Variants in AMPH observed in about 807,000 individuals in gnomAD.
AMPH encodes amphiphysin (Stiff-Mann syndrome with breast cancer 128kD autoantigen).
In AMPH, 49 loss-of-function variants were observed where a neutral mutation model predicts 99.1. The observed-to-expected ratio is 0.49, with a 90% CI of 0.39 to 0.63. The LOEUF (loss-of-function observed/expected upper bound fraction) is 0.63. Among genes scored for constraint, AMPH ranks in the 20% least tolerant of loss-of-function variants. The probability of loss-of-function intolerance (pLI) is 0.00; values close to 1 mark genes in which losing one functional copy is unlikely to be tolerated. For synonymous variants in AMPH, 314 were observed against 317.3 expected, an observed-to-expected ratio of 0.99 and a Z score of 0.11; for missense variants, 759 against 863.4, an observed-to-expected ratio of 0.88 and a Z score of 1.52.
rs1785442343 is a variant in AMPH at position 38,417,914 on chromosome 7, C to T, written c.1309G>A (p.Ala437Thr). The change falls in exon 17 of 21, where the codon GCA becomes ACA. Residue 437 changes from alanine to threonine, a missense_variant. By Grantham distance (58) the Ala-to-Thr change is moderately conservative. This residue lies in a region of AMPH where 554 missense variants were observed against 575.6 expected (regional missense o/e 0.96). Transcript: ENST00000356264. The part of the protein sequence containing the change: ...SEQAPPTEPK[A>T]EEPLAAVTPA... ...GTGACAGCAGCCAGAGGCTCCTCTG[C>T]TTTTGGCTCTGTGGGTGGAGCCTGT... 6.2e-7 allele frequency: 1 copy of T among 1,614,144 alleles called. No homozygotes were observed. Among genetic ancestry groups the T allele is most frequent in the Non-Finnish European group, 8.5e-7 (1 of 1,180,000 alleles).
At position 38,608,690 on chromosome 7, in the gene AMPH, C is replaced by A. The variant is rs74714446; in HGVS notation, c.69+22593G>T. On this transcript the variant is annotated intron_variant, in intron 1 of 20. Coordinates refer to ENST00000356264, the MANE Select transcript of AMPH (RefSeq NM_001635.4). The stretch of plus-strand genomic sequence containing the variant: ...CTGACATCAAACAGGAGAAAGAAGG[C>A]TGAGGGCTGCAAGAAGTGATGGTGG... Among the ~76,000 whole-genome samples the A allele has an allele frequency of 7.2e-3, 1,098 of 152,246 alleles. 15 individuals are homozygous for A. The highest frequency in any genetic ancestry group is 0.025 in the African/African-American group (1,043 of 41,554).
intron 2 of AMPH, among the ~76,000 whole-genome samples, chr7:38,519,689 C>T (rs1789878661): frequency 2.0e-5 from 3 of 152,128 alleles, no homozygotes; most frequent in African/African-American, 7.2e-5. Flanking sequence ...GCTTTTGAAC[C>T]AGGAGTGACC....
chr7:38,445,072 T>A (rs764899644), intron 11 of AMPH, among the ~76,000 whole-genome samples: 3 of 136,672 alleles, frequency 2.2e-5, no homozygotes, highest in African/African-American at 5.5e-5. Context: ...CATATATATA[T>A]ACACATATAT....
At chr7:38,422,596 A>ATCTATCTG in intron 15 of AMPH, 119 bp from the exon 16 acceptor site, 1 of 696,702 alleles carries the variant, frequency 1.4e-6, no homozygotes, top group Non-Finnish European at 2.3e-6. Context: ...CTATCTATCT[A>ATCTATCTG]TCTATCCATC....
At chr7:38,507,132 A>T (rs1201524036) in intron 2 of AMPH, among the ~76,000 whole-genome samples, 2 of 152,232 alleles carry the variant, frequency 1.3e-5, no homozygotes, top group Non-Finnish European at 2.9e-5. Flanking sequence ...TTCAGTAGAA[A>T]TAAAGTGAAA....
At chr7:38,580,844 A>G (rs1468409294) in intron 1 of AMPH, among the ~76,000 whole-genome samples, 1 of 152,234 alleles carries the variant, frequency 6.6e-6, no homozygotes, top group African/African-American at 2.4e-5. Context: ...CTTTAACCTC[A>G]GAATAAAATT....
chr7:38,442,036 G>C (rs1057004141), intron 11 of AMPH, among the ~76,000 whole-genome samples: 16 of 151,614 alleles, frequency 1.1e-4, no homozygotes, highest in Non-Finnish European at 8.8e-5. Flanking sequence ...TCTCACAAGT[G>C]AGAGCTAAAG....
At chr7:38,596,532 G>T (rs886632830) in intron 1 of AMPH, among the ~76,000 whole-genome samples, 4 of 152,084 alleles carry the variant, frequency 2.6e-5, no homozygotes, top group African/African-American at 9.7e-5. Flanking sequence ...TCTTAAACTG[G>T]GACCCTACAT....
At position 38,465,447 on chromosome 7, in the gene AMPH, T is replaced by G; in HGVS notation, c.749+20A>C. Reference sequence around the variant, plus strand: ...TTAGCAAGCAGGACATTACAGGTGCTCCAATGAGCAGGGGCCTACCTGGGC... The same window carrying G: ...TTAGCAAGCAGGACATTACAGGTGCGCCAATGAGCAGGGGCCTACCTGGGC... On this transcript the variant is annotated intron_variant, in intron 9 of 20. Transcript: ENST00000356264. The G allele has an allele frequency of 6.4e-7, 1 of 1,558,718 alleles. No individual in the cohort carries two copies. Among genetic ancestry groups the G allele is most frequent in the Non-Finnish European group, 8.7e-7 (1 of 1,148,964 alleles).
chr7:38,420,831 A>G (rs1785556825), intron 16 of AMPH: 3 of 397,744 alleles, frequency 7.5e-6, no homozygotes, highest in South Asian at 5.6e-5. Context: ...AAGGGTTTAA[A>G]CCTGTACTCA....
At chr7:38,404,794 G>C (rs1299220041) in intron 17 of AMPH, among the ~76,000 whole-genome samples, 1 of 152,162 alleles carries the variant, frequency 6.6e-6, no homozygotes, top group African/African-American at 2.4e-5. Flanking sequence ...TTGAGGGAAT[G>C]ATTCAGAAAA....
intron 1 of AMPH, among the ~76,000 whole-genome samples, chr7:38,538,543 A>G (rs1360008343): frequency 6.6e-6 from 1 of 152,238 alleles, no homozygotes; most frequent in African/African-American, 2.4e-5. Flanking sequence ...TGGAGAGCCA[A>G]TGAAGTGTTT....
intron 11 of AMPH, among the ~76,000 whole-genome samples, chr7:38,456,492 G>C (rs1787239813): frequency 6.6e-6 from 1 of 152,206 alleles, no homozygotes; most frequent in African/African-American, 2.4e-5. Flanking sequence ...GTCTACCACT[G>C]TTGGCACCTG....
At chr7:38,435,391 G>A (rs1213745457) in intron 12 of AMPH, among the ~76,000 whole-genome samples, 1 of 152,154 alleles carries the variant, frequency 6.6e-6, no homozygotes, top group Non-Finnish European at 1.5e-5. Context: ...AATCAAGCTA[G>A]GTCTTAATTC....
intron 13 of AMPH, among the ~76,000 whole-genome samples, chr7:38,430,947 G>A (rs1268646959): frequency 2.0e-5 from 3 of 152,232 alleles, no homozygotes; most frequent in Non-Finnish European, 4.4e-5. Context: ...CATTGCCCAT[G>A]AATAGCTAGA....
intron 9 of AMPH, among the ~76,000 whole-genome samples, chr7:38,463,479 A>T (rs1179889522): frequency 6.6e-6 from 1 of 152,240 alleles, no homozygotes; most frequent in East Asian, 1.9e-4. Flanking sequence ...TCTTTCAAAC[A>T]AGTTCTGCAA....
At chr7:38,573,902 A>T (rs1792137790) in intron 1 of AMPH, among the ~76,000 whole-genome samples, 1 of 152,332 alleles carries the variant, frequency 6.6e-6, no homozygotes, top group Admixed American at 6.5e-5. Flanking sequence ...CTAAGGAAGT[A>T]GCTACTATTA....
intron 17 of AMPH, among the ~76,000 whole-genome samples, chr7:38,409,224 T>A (rs1334054891): frequency 6.6e-6 from 1 of 152,216 alleles, no homozygotes; most frequent in Non-Finnish European, 1.5e-5. Context: ...AGGGCACCAT[T>A]GCCTTTTCTT....
chr7:38,402,707 G>T (rs1784876338), intron 17 of AMPH, among the ~76,000 whole-genome samples: 1 of 152,212 alleles, frequency 6.6e-6, no homozygotes, highest in African/African-American at 2.4e-5. Flanking sequence ...GATGCGAGTT[G>T]TCTCTGATCG....
Sources: gnomAD v4.1 joint callset for allele counts (sites outside exome capture counted in the v4.1 genomes callset) on GRCh38, gnomAD v4.1.1 for gene constraint, gnomAD v4.1.1 regional missense constraint, MANE v1.5 for transcripts, NCBI Gene and HGNC (gene_info 2026-07-23, HGNC 2026-07-21) for gene names.